Variants in ADAMTS9 observed in about 807,000 individuals in gnomAD.
ADAMTS9 encodes the protein ADAM metallopeptidase with thrombospondin type 1 motif 9.
A neutral mutation model predicts 257.1 loss-of-function variants in ADAMTS9; 107 were observed. The observed-to-expected ratio is 0.42, with a 90% CI of 0.36 to 0.49. The LOEUF is 0.49. ADAMTS9 is among the 20% of genes least tolerant of loss of function. The probability of loss-of-function intolerance (pLI) is 0.03; values close to 1 mark genes in which losing one functional copy is unlikely to be tolerated. For synonymous variants in ADAMTS9, 982 were observed against 880.9 expected, an observed-to-expected ratio of 1.11 and a Z score of -2.03; for missense variants, 2,353 against 2,469.1, an observed-to-expected ratio of 0.95 and a Z score of 1.00.
intron 11 of ADAMTS9, among the ~76,000 whole-genome samples, chr3:64,644,942 G>C (rs1700746708): frequency 6.6e-6 from 1 of 152,114 alleles, no homozygotes. Flanking sequence ...ATTCAAAACT[G>C]ATATGGAAAT....
At chr3:64,642,314 T>C (rs1463310019) in intron 11 of ADAMTS9, among the ~76,000 whole-genome samples, 1 of 151,862 alleles carries the variant, frequency 6.6e-6, no homozygotes, top group African/African-American at 2.4e-5. Context: ...ATGGGAAGGG[T>C]GGTTATAGAC....
Position 64,607,130 on chromosome 3 carries a change from C to T in ADAMTS9, c.3355-51G>A, listed in dbSNP as rs758860073. On this transcript the variant is annotated intron_variant, in intron 22 of 39. Coordinates refer to ENST00000498707, the MANE Select transcript of ADAMTS9 (RefSeq NM_182920.2). Reference sequence around the variant, plus strand: ...ATACAATTCAGCAAATCTTCTCTTTCCCTTACTTTCCCCATAACATTCTGC... The same window carrying T: ...ATACAATTCAGCAAATCTTCTCTTTTCCTTACTTTCCCCATAACATTCTGC... 5.0e-6 allele frequency: 8 copies of T among 1,598,246 alleles called. No individual in the cohort carries two copies. In the African/African-American group the frequency reaches 9.4e-5, roughly 19 times the overall value.
At chr3:64,607,190 G>A in intron 22 of ADAMTS9, 111 bp from the exon 23 acceptor site, 1 of 1,433,332 alleles carries the variant, frequency 7.0e-7, no homozygotes, top group Non-Finnish European at 9.4e-7. Flanking sequence ...TAGGCCAGAG[G>A]GCTGGCGCTC....
chr3:64,622,693 G>A, intron 16 of ADAMTS9, 107 bp from the exon 17 acceptor site: 1 of 1,206,434 alleles, frequency 8.3e-7, no homozygotes, highest in Admixed American at 2.1e-5. Context: ...CACGGAATGG[G>A]GACTTTTGAG....
At chr3:64,658,968 T>G (rs1275830470) in intron 3 of ADAMTS9, among the ~76,000 whole-genome samples, 177 bp from the exon 4 acceptor site, 1 of 152,216 alleles carries the variant, frequency 6.6e-6, no homozygotes, top group African/African-American at 2.4e-5. Context: ...GACTAAGGAT[T>G]TGAGATTAGC....
rs528045825 is a variant in ADAMTS9 at position 64,532,358 on chromosome 3, A to G, written c.5718+808T>C. ...CCTATTTTATAATAAAGTGTTGAAT[A>G]TTTTGTGTAATTGATTGAATACTGT... On this transcript the variant is annotated intron_variant, in intron 38 of 39. Transcript: ENST00000498707. Among the ~76,000 whole-genome samples the G allele has an allele frequency of 2.0e-5, 3 of 152,304 alleles. 1 individual carries two copies. Among genetic ancestry groups the G allele is most frequent in the Middle Eastern group, 6.8e-3 (2 of 294 alleles).
intron 22 of ADAMTS9, among the ~76,000 whole-genome samples, chr3:64,609,407 T>A (rs537141105): frequency 1.3e-5 from 2 of 152,170 alleles, no homozygotes; most frequent in South Asian, 2.1e-4. Flanking sequence ...AAACTATTAC[T>A]ACAGCTAATA....
At chr3:64,544,750 C>T (rs2106918472) in intron 32 of ADAMTS9, among the ~76,000 whole-genome samples, 1 of 152,230 alleles carries the variant, frequency 6.6e-6, no homozygotes, top group South Asian at 2.1e-4. Flanking sequence ...CAACAAAAGC[C>T]AAAATAGACA....
chr3:64,520,320 C>T (rs1190535343), intron 39 of ADAMTS9, among the ~76,000 whole-genome samples: 1 of 152,100 alleles, frequency 6.6e-6, no homozygotes, highest in Non-Finnish European at 1.5e-5. Flanking sequence ...ACGTTCCATG[C>T]TCATCTATTG....
At chr3:64,664,010 G>C (rs192276855) in intron 3 of ADAMTS9, among the ~76,000 whole-genome samples, 15 of 152,200 alleles carry the variant, frequency 9.9e-5, no homozygotes, top group Admixed American at 9.2e-4. Context: ...TAACAGAATA[G>C]TTTTCACCAA....
At chr3:64,609,148 A>C (rs1239009896) in intron 22 of ADAMTS9, among the ~76,000 whole-genome samples, 1 of 152,144 alleles carries the variant, frequency 6.6e-6, no homozygotes, top group Non-Finnish European at 1.5e-5. Context: ...TTAGGAAAAA[A>C]ACCCACAGCT....
intron 38 of ADAMTS9, among the ~76,000 whole-genome samples, chr3:64,523,449 A>G (rs913082284): frequency 6.6e-6 from 1 of 152,208 alleles, no homozygotes; most frequent in Non-Finnish European, 1.5e-5. Context: ...TGGAACAAGT[A>G]CAGGTGAGAA....
chr3:64,639,937 A>G (rs917064632), intron 12 of ADAMTS9, among the ~76,000 whole-genome samples: 3 of 152,186 alleles, frequency 2.0e-5, no homozygotes, highest in Non-Finnish European at 4.4e-5. Flanking sequence ...CACACACTGA[A>G]TTACTTTTCA....
chr3:64,589,590 C>T (rs971763404), intron 28 of ADAMTS9: 2 of 152,118 alleles, frequency 1.3e-5, no homozygotes, highest in Admixed American at 1.3e-4. Flanking sequence ...CTATTGTTAT[C>T]TTCATTTCCT....
chr3:64,599,236 C>T (rs1001614892), intron 26 of ADAMTS9, among the ~76,000 whole-genome samples: 2 of 152,176 alleles, frequency 1.3e-5, no homozygotes, highest in Non-Finnish European at 2.9e-5. Flanking sequence ...CTAATTTTGC[C>T]ATTATTTGAT....
chr3:64,654,457 G>C lies in ADAMTS9; in HGVS notation c.1212C>G (p.Gly404=), dbSNP rs542171428. Residue 404 remains glycine (G), a splice_region_variant and synonymous_variant, in exon 8 of 40, where the codon GGC becomes GGG. Coordinates refer to ENST00000498707, the MANE Select transcript of ADAMTS9 (RefSeq NM_182920.2). The part of the protein sequence containing the change: ...CRAHDKCDTL[G]LAELGTICDP... Reference sequence around the variant, plus strand: ...CACAAATGGTTCCCAGTTCAGCCAGGCCTATTAGAAGGAAAAAAACCAACA... The same window carrying C: ...CACAAATGGTTCCCAGTTCAGCCAGCCCTATTAGAAGGAAAAAAACCAACA... 25 of 1,613,628 alleles carry C rather than the reference G, an allele frequency of 1.5e-5. No individual in the cohort carries two copies. Among genetic ancestry groups the C allele is most frequent in the Non-Finnish European group, 2.1e-5 (25 of 1,179,926 alleles).
Position 64,601,993 on chromosome 3 carries a change from C to T in ADAMTS9, c.3968G>A (p.Arg1323His), listed in dbSNP as rs755956495. The T allele has an allele frequency of 1.4e-5, 22 of 1,613,540 alleles. No homozygotes were observed. Among genetic ancestry groups the T allele is most frequent in the Admixed American group, 3.3e-5 (2 of 59,978 alleles). ...CTGGTTTCCACCGAGCACATGGGTG[C>T]GGCTGGGGCTGGCGCTCCGGGGACG... ...DYRPRSASPS[R>H]THVLGGNQWR... Residue 1323 changes from arginine (R) to histidine (H), a missense_variant, in exon 26 of 40, where the codon CGC (arginine) becomes CAC (histidine). By Grantham distance (29) the Arg-to-His change is conservative (BLOSUM62 0). Coordinates refer to ENST00000498707, the MANE Select transcript of ADAMTS9 (RefSeq NM_182920.2).
intron 26 of ADAMTS9, among the ~76,000 whole-genome samples, chr3:64,599,324 T>C (rs1325367043): frequency 6.6e-6 from 1 of 152,226 alleles, no homozygotes; most frequent in African/African-American, 2.4e-5. Flanking sequence ...CCCTGTCCTC[T>C]TTAAATGACA....
At chr3:64,601,290 T>C (rs979683557) in intron 26 of ADAMTS9, among the ~76,000 whole-genome samples, 9 of 152,236 alleles carry the variant, frequency 5.9e-5, no homozygotes, top group Non-Finnish European at 8.8e-5. Flanking sequence ...GAATTATTGT[T>C]ATCCTCATTT....
Sources: allele counts gnomAD v4.1 joint callset (sites outside exome capture counted in the v4.1 genomes callset), GRCh38; gene constraint gnomAD v4.1.1; transcripts MANE v1.5; gene names NCBI Gene and HGNC (gene_info 2026-07-23, HGNC 2026-07-21).